Variants in PCDHA5 observed in about 807,000 individuals in gnomAD.
The protein encoded by PCDHA5 is protocadherin alpha 5, also known as protocadherin alpha-5.
In PCDHA5, 43 loss-of-function variants were observed where a neutral mutation model predicts 61.6. The ratio of observed to expected loss-of-function variants is 0.70; its 90% CI spans 0.55 to 0.90. PCDHA5 has a LOEUF of 0.90. Among genes scored for constraint, PCDHA5 ranks in the 40% least tolerant of loss-of-function variants. PCDHA5 has a pLI of 0.00. For missense variants in PCDHA5, 1,298 were observed against 1,222.7 expected, an observed-to-expected ratio of 1.06 and a Z score of -0.92; for synonymous variants, 627 against 543.9, an observed-to-expected ratio of 1.15 and a Z score of -2.13.
At chr5:140,991,071 T>A (rs2097430480) in intron 3 of PCDHA5, among the ~76,000 whole-genome samples, 1 of 152,152 alleles carries the variant, frequency 6.6e-6, no homozygotes, top group African/African-American at 2.4e-5. Flanking sequence ...ATTCCCATGT[T>A]TCAGATAAAA....
intron 1 of PCDHA5, chr5:140,870,038 A>G (rs1268813918): frequency 8.1e-6 from 13 of 1,613,620 alleles, no homozygotes; most frequent in Non-Finnish European, 1.1e-5. Flanking sequence ...TATGAAGAAA[A>G]CAAGTTTTAT....
intron 1 of PCDHA5, chr5:140,927,810 G>C: frequency 6.2e-7 from 1 of 1,614,200 alleles, no homozygotes. Flanking sequence ...AAACGCTCTT[G>C]GAGGCATACA....
rs1398153775 is a variant in PCDHA5, at chr5:140,869,752, G to T, written c.2352+45625G>T. On this transcript the variant is annotated intron_variant, in intron 1 of 3. Coordinates refer to ENST00000529859, the MANE Select transcript of PCDHA5 (RefSeq NM_018908.3). ...TAATTTGCTGCTAACAGCTACAGAC[G>T]GGGGAAAACCAGAGCTTACTGGCAC... 12 of 1,613,018 alleles carry T rather than the reference G, an allele frequency of 7.4e-6. No homozygotes were observed. The highest frequency in any genetic ancestry group is 1.0e-5 in the Non-Finnish European group (12 of 1,179,744).
chr5:140,958,385 A>C (rs2095421525), intron 1 of PCDHA5, among the ~76,000 whole-genome samples: 1 of 152,206 alleles, frequency 6.6e-6, no homozygotes, highest in African/African-American at 2.4e-5. Flanking sequence ...TTTTCTTAAC[A>C]GGTCATCAAA....
In PCDHA5 at chr5:140,882,368, T is replaced by C. The variant is rs781902519; in HGVS notation, c.2352+58241T>C. On this transcript the variant is annotated intron_variant, in intron 1 of 3. Transcript: ENST00000529859. ...GACGGGTAGTGGCCAGCTCCACTAC[T>C]CCGTCCCCGAGGAAGCAAAACACGG... 1.9e-6 allele frequency: 3 copies of C among 1,614,218 alleles called. No individual in the cohort carries two copies. The South Asian group carries it at 3.3e-5, about 18-fold the overall frequency.
chr5:140,841,696 T>C lies in PCDHA5; in HGVS notation c.2352+17569T>C, dbSNP rs2150321005. The C allele has an allele frequency of 6.8e-6, 11 of 1,613,722 alleles. No homozygotes were observed. In the East Asian group the frequency reaches 1.8e-4, roughly 26 times the overall value. Reference sequence around the variant, plus strand: ...TCCATGTGGACGTGGAGGTGAAGGATGTTAATGACAACCCGCCAGTGTTCC... The same window carrying C: ...TCCATGTGGACGTGGAGGTGAAGGACGTTAATGACAACCCGCCAGTGTTCC... On this transcript the variant is annotated intron_variant, in intron 1 of 3. Coordinates refer to ENST00000529859, the MANE Select transcript of PCDHA5 (RefSeq NM_018908.3).
At chr5:140,983,170 G>A (rs1046143831) in intron 3 of PCDHA5, among the ~76,000 whole-genome samples, 1 of 152,136 alleles carries the variant, frequency 6.6e-6, no homozygotes, top group Non-Finnish European at 1.5e-5. Context: ...AAACATGACC[G>A]CCTCACAATT....
intron 1 of PCDHA5, among the ~76,000 whole-genome samples, chr5:140,944,072 A>C (rs868935645): frequency 6.6e-6 from 1 of 152,218 alleles, no homozygotes; most frequent in Non-Finnish European, 1.5e-5. Context: ...CTTGTTAAAG[A>C]TAAAGGAGGC....
intron 1 of PCDHA5, chr5:140,858,707 A>T: frequency 3.7e-6 from 2 of 547,914 alleles, no homozygotes; most frequent in South Asian, 2.5e-5. Flanking sequence ...CAAATATGTG[A>T]TATAGGTTGC....
intron 1 of PCDHA5, among the ~76,000 whole-genome samples, chr5:140,890,477 C>G (rs1255992157): frequency 6.6e-6 from 1 of 151,926 alleles, no homozygotes; most frequent in African/African-American, 2.4e-5. Context: ...ATTTTTTGTG[C>G]GTTATTTTTG....
At chr5:140,981,977 G>A (rs1321410399) in intron 2 of PCDHA5, among the ~76,000 whole-genome samples, 1 of 152,128 alleles carries the variant, frequency 6.6e-6, no homozygotes, top group African/African-American at 2.4e-5. Context: ...TATAGAAAGA[G>A]TAAAATAGAA....
At chr5:140,991,409 T>C (rs1554252146) in intron 3 of PCDHA5, among the ~76,000 whole-genome samples, 2 of 152,232 alleles carry the variant, frequency 1.3e-5, no homozygotes, top group Non-Finnish European at 1.5e-5. Flanking sequence ...TTTCCCATTA[T>C]GCTATAACAA....
intron 1 of PCDHA5, chr5:140,876,304 TCCTATGGGATC>T (rs1173311877): frequency 1.9e-6 from 3 of 1,613,956 alleles, no homozygotes; most frequent in Non-Finnish European, 2.5e-6. Context: ...TGGAGAAATT[TCCTATGGGATC>T]AAAATGATTT....
At chr5:140,874,554 TTC>T (rs2054993631) in intron 1 of PCDHA5, among the ~76,000 whole-genome samples, 1 of 152,236 alleles carries the variant, frequency 6.6e-6, no homozygotes, top group African/African-American at 2.4e-5. Flanking sequence ...TAAGAGATCT[TTC>T]GCATTTTAGT....
chr5:140,844,298 GT>G (rs141549111), intron 1 of PCDHA5, among the ~76,000 whole-genome samples: 3,056 of 149,412 alleles, frequency 0.02, 290 homozygotes, highest in Non-Finnish European at 0.031. Flanking sequence ...AAATTTGATA[GT>G]TTTCATATTC....
At chr5:140,932,880 AT>A (rs1219080024) in intron 1 of PCDHA5, among the ~76,000 whole-genome samples, 2 of 151,952 alleles carry the variant, frequency 1.3e-5, no homozygotes, top group Non-Finnish European at 2.9e-5. Context: ...TGTCTTCAAT[AT>A]TTTCAGTTAG....
At chr5:140,896,450 C>T (rs1009231622) in intron 1 of PCDHA5, among the ~76,000 whole-genome samples, 1 of 152,092 alleles carries the variant, frequency 6.6e-6, no homozygotes, top group East Asian at 1.9e-4. Flanking sequence ...GCAACCTCCA[C>T]CTCCTGGGTT....
At chr5:140,996,933 T>G (rs2097753695) in intron 3 of PCDHA5, among the ~76,000 whole-genome samples, 1 of 152,186 alleles carries the variant, frequency 6.6e-6, no homozygotes, top group African/African-American at 2.4e-5. Flanking sequence ...ATATAGCATT[T>G]TTGCATAGAA....
rs782357436 is a variant in PCDHA5, at chr5:140,876,751, G to T, written c.2352+52624G>T. On this transcript the variant is annotated intron_variant, in intron 1 of 3. Transcript: ENST00000529859. ...GTCGGCCTATGAGCTGGTGGTGACTGCGCGGGATGGGGGCTCGCCTTCGCT... is the reference window on the plus strand; with the variant it reads ...GTCGGCCTATGAGCTGGTGGTGACTTCGCGGGATGGGGGCTCGCCTTCGCT... 2.5e-6 allele frequency: 4 copies of T among 1,614,258 alleles called. No individual in the cohort carries two copies. The Admixed American group carries it at 6.7e-5, about 27-fold the overall frequency.
Sources: allele counts gnomAD v4.1 joint callset (sites outside exome capture counted in the v4.1 genomes callset), GRCh38; gene constraint gnomAD v4.1.1; transcripts MANE v1.5; gene names NCBI Gene and HGNC (gene_info 2026-07-23, HGNC 2026-07-21).